Variants in LIN54 observed in about 807,000 individuals in gnomAD.
The protein encoded by LIN54 is protein lin-54 homolog.
A neutral mutation model predicts 78.7 loss-of-function variants in LIN54; 9 were observed. The ratio of observed to expected loss-of-function variants is 0.11; its 90% CI spans 0.07 to 0.20. The LOEUF is 0.20. Among genes scored for constraint, LIN54 ranks in the 10% least tolerant of loss-of-function variants. The probability of loss-of-function intolerance (pLI) is 1.00; values close to 1 mark genes in which losing one functional copy is unlikely to be tolerated. For synonymous variants in LIN54, 269 were observed against 318.4 expected, an observed-to-expected ratio of 0.84 and a Z score of 1.65; for missense variants, 573 against 889.9, an observed-to-expected ratio of 0.64 and a Z score of 4.53.
intron 1 of LIN54, among the ~76,000 whole-genome samples, chr4:83,000,892 A>G (rs1219518547): frequency 1.5e-5 from 2 of 137,680 alleles, no homozygotes; most frequent in African/African-American, 5.6e-5. Context: ...ATCTCAGCTC[A>G]CTGCAACCTC....
intron 1 of LIN54, among the ~76,000 whole-genome samples, chr4:83,001,350 G>GAC (rs1553959339): frequency 2.7e-3 from 1 of 368 alleles, no homozygotes; most frequent in Non-Finnish European, 0.045. Flanking sequence ...CCCGCAGTTT[G>GAC]AGTAACCTGG....
chr4:83,000,677 T>G (rs960119945), intron 1 of LIN54, among the ~76,000 whole-genome samples: 1 of 152,106 alleles, frequency 6.6e-6, no homozygotes, highest in African/African-American at 2.4e-5. Flanking sequence ...AGGCTCATTA[T>G]ACATGGTACT....
At chr4:83,008,240 C>T (rs1185035903) in intron 1 of LIN54, among the ~76,000 whole-genome samples, 1 of 152,214 alleles carries the variant, frequency 6.6e-6, no homozygotes, top group Admixed American at 6.5e-5. Context: ...CCAACTTCAC[C>T]TCCAGTGATT....
At chr4:82,974,909 C>T (rs192498861) in intron 3 of LIN54, among the ~76,000 whole-genome samples, 129 of 150,270 alleles carry the variant, frequency 8.6e-4, no homozygotes, top group Non-Finnish European at 1.6e-3. Context: ...TGGTGGCTGC[C>T]GGAAGCTGGA....
intron 12 of LIN54, among the ~76,000 whole-genome samples, chr4:82,929,428 T>C (rs747615246): frequency 1.3e-5 from 2 of 152,146 alleles, no homozygotes; most frequent in Non-Finnish European, 1.5e-5. Flanking sequence ...AGGTTATAAG[T>C]CTTATTAAGG....
chr4:82,939,939 T>C lies in LIN54; in HGVS notation c.1192A>G (p.Thr398Ala), dbSNP rs901422670. The change falls in exon 6 of 13, where the codon ACC becomes GCC. Residue 398 changes from threonine (T) to alanine (A), a missense_variant. Transcript: ENST00000340417. ...ATTGGAACTGACATCCGCACTGGGG[T>C]TGTATTAACAACCACTGGCTTTGCT... is the stretch of plus-strand genomic sequence containing the variant. ...QQAKPVVVNT[T>A]PVRMSVPIVS... is the part of the protein sequence containing the mutation. 3.1e-6 allele frequency: 5 copies of C among 1,607,716 alleles called. No individual in the cohort carries two copies. In the African/African-American group the frequency reaches 5.4e-5, roughly 17 times the overall value.
At chr4:82,972,463 A>T (rs1725744090) in intron 3 of LIN54, among the ~76,000 whole-genome samples, 1 of 152,182 alleles carries the variant, frequency 6.6e-6, no homozygotes, top group Non-Finnish European at 1.5e-5. Context: ...AAACGAATCT[A>T]CATCAAATAG....
intron 4 of LIN54, among the ~76,000 whole-genome samples, chr4:82,948,138 A>C (rs1723554738): frequency 6.6e-6 from 1 of 152,206 alleles, no homozygotes; most frequent in Non-Finnish European, 1.5e-5. Flanking sequence ...CAAGCAACCT[A>C]CGAGACAAGT....
At chr4:82,956,365 A>AAG (rs1553950643) in intron 4 of LIN54, among the ~76,000 whole-genome samples, 122 of 150,654 alleles carry the variant, frequency 8.1e-4, no homozygotes, top group Middle Eastern at 3.4e-3. Flanking sequence ...AAAAAAAAAA[A>AAG]AGACTGTTTT....
intron 4 of LIN54, among the ~76,000 whole-genome samples, chr4:82,955,978 T>C (rs1322932974): frequency 6.6e-6 from 1 of 152,202 alleles, no homozygotes; most frequent in African/African-American, 2.4e-5. Context: ...TGAAATTTTT[T>C]TGAGATGGAG....
upstream of LIN54, among the ~76,000 whole-genome samples, chr4:83,011,641 T>A (rs1219216467): frequency 6.6e-6 from 1 of 151,910 alleles, no homozygotes; most frequent in Non-Finnish European, 1.5e-5. Context: ...ACAGTAAAAA[T>A]AAACAGCTTG....
At chr4:82,999,736 C>A (rs1401741086) in intron 1 of LIN54, among the ~76,000 whole-genome samples, 3 of 145,216 alleles carry the variant, frequency 2.1e-5, no homozygotes, top group Non-Finnish European at 4.5e-5. Context: ...TGAGATCGCA[C>A]CACTGCACTC....
At chr4:82,998,046 G>GTA (rs142178438) in intron 1 of LIN54, among the ~76,000 whole-genome samples, 107,297 of 136,208 alleles carry the variant, frequency 0.79, 41,095 homozygotes, top group Admixed American at 0.83. Context: ...ATACACACAC[G>GTA]TATATATATA....
intron 2 of LIN54, among the ~76,000 whole-genome samples, chr4:82,982,675 A>G (rs925681000): frequency 1.3e-5 from 2 of 152,252 alleles, no homozygotes; most frequent in African/African-American, 4.8e-5. Context: ...GGCAAAAATA[A>G]GAAGTAAAAG....
chr4:82,964,102 G>C (rs1725019556), intron 4 of LIN54, among the ~76,000 whole-genome samples: 1 of 150,578 alleles, frequency 6.6e-6, no homozygotes, highest in Admixed American at 6.6e-5. Context: ...CCAGGCTGAA[G>C]TGCAGCGGTA....
At chr4:82,957,586 T>G (rs13133192) in intron 4 of LIN54, among the ~76,000 whole-genome samples, 1 of 152,192 alleles carries the variant, frequency 6.6e-6, no homozygotes, top group Non-Finnish European at 1.5e-5. Flanking sequence ...CTGTCCCATG[T>G]GTACTTACCT....
chr4:82,984,716 T>G lies in LIN54; in HGVS notation c.129A>C (p.Glu43Asp). 6.2e-7 allele frequency: 1 copy of G among 1,614,176 alleles called. No individual in the cohort carries two copies. Residue 43 changes from glutamate (E) to aspartate (D), a missense_variant, in exon 2 of 13, where the codon GAA becomes GAC. Glu to Asp is a conservative substitution (Grantham distance 45, BLOSUM62 2). Around this residue, in one of 6 missense-constraint regions of LIN54, gnomAD observed 183 missense variants for 228.4 expected, o/e 0.80. Transcript: ENST00000340417. ...AATTTATGTTGACAATTTCTTCCAG[T>G]TCTGTCTCCATGGGAATTGGGGATG... Reference protein sequence around the residue: ...IVSSPIPMETELEEIVNINST... With the variant: ...IVSSPIPMETDLEEIVNINST...
At chr4:82,975,486 G>A (rs576091145) in intron 3 of LIN54, among the ~76,000 whole-genome samples, 14 of 151,956 alleles carry the variant, frequency 9.2e-5, no homozygotes, top group East Asian at 5.8e-4. Flanking sequence ...TGAGGTGGGC[G>A]GATTAGCTGA....
chr4:82,934,119 A>C (rs1296426096), intron 11 of LIN54, among the ~76,000 whole-genome samples: 2 of 152,234 alleles, frequency 1.3e-5, no homozygotes, highest in Non-Finnish European at 2.9e-5. Flanking sequence ...CAGTTTAAAA[A>C]ATCAACTTGC....
Sources: allele counts gnomAD v4.1 joint callset (sites outside exome capture counted in the v4.1 genomes callset), GRCh38; gene constraint gnomAD v4.1.1; regional missense constraint gnomAD v4.1.1; transcripts MANE v1.5; gene names NCBI Gene and HGNC (gene_info 2026-07-23, HGNC 2026-07-21).